Variants in CNTN6 observed in about 807,000 individuals in gnomAD.
The protein encoded by CNTN6 is contactin 6.
CNTN6 carries 137 observed loss-of-function variants against 122.8 expected under a neutral mutation model. The observed-to-expected ratio is 1.12, with a 90% CI of 0.97 to 1.29. The LOEUF (loss-of-function observed/expected upper bound fraction) is 1.29. CNTN6 is among the 50% of genes most tolerant of loss of function. The pLI is 0.00. For synonymous variants in CNTN6, 570 were observed against 426.0 expected, an observed-to-expected ratio of 1.34 and a Z score of -4.16; for missense variants, 1,634 against 1,223.4, an observed-to-expected ratio of 1.34 and a Z score of -5.01.
chr3:1,198,681 C>A (rs2093814215), intron 2 of CNTN6, among the ~76,000 whole-genome samples: 1 of 150,382 alleles, frequency 6.6e-6, no homozygotes, highest in African/African-American at 2.5e-5. Context: ...AAGGTTGCAA[C>A]ATTGCACTCC....
chr3:1,168,058 C>T (rs1263573924), intron 2 of CNTN6, among the ~76,000 whole-genome samples: 1 of 151,990 alleles, frequency 6.6e-6, no homozygotes. Context: ...GAGGTGCACG[C>T]CACCACGCCT....
At chr3:1,325,173 C>T (rs1038718446) in intron 8 of CNTN6, among the ~76,000 whole-genome samples, 10 of 151,806 alleles carry the variant, frequency 6.6e-5, no homozygotes, top group African/African-American at 2.4e-4. Flanking sequence ...TGTCTCACTA[C>T]TATGAAGAAC....
intron 12 of CNTN6, among the ~76,000 whole-genome samples, chr3:1,353,601 T>C (rs1382293469): frequency 6.6e-6 from 1 of 151,686 alleles, no homozygotes; most frequent in Non-Finnish European, 1.5e-5. Flanking sequence ...ATAGATGTTA[T>C]GGCTATATTT....
chr3:1,333,709 C>G (rs1290420730), intron 11 of CNTN6, among the ~76,000 whole-genome samples: 1 of 151,998 alleles, frequency 6.6e-6, no homozygotes, highest in Admixed American at 6.6e-5. Context: ...GAAACCTATT[C>G]AAAGTAATCA....
intron 20 of CNTN6, among the ~76,000 whole-genome samples, chr3:1,392,593 A>G (rs1432488457): frequency 6.8e-6 from 1 of 146,972 alleles, no homozygotes; most frequent in Non-Finnish European, 1.5e-5. Flanking sequence ...GCACAGCAAA[A>G]GAAACTACCA....
intron 3 of CNTN6, among the ~76,000 whole-genome samples, chr3:1,223,492 A>G (rs976766590): frequency 2.0e-5 from 3 of 152,216 alleles, no homozygotes; most frequent in African/African-American, 7.2e-5. Context: ...CACATAACAC[A>G]TGAGAATATG....
chr3:1,343,491 G>C (rs878927995), intron 11 of CNTN6, among the ~76,000 whole-genome samples: 1 of 152,092 alleles, frequency 6.6e-6, no homozygotes, highest in Non-Finnish European at 1.5e-5. Context: ...TAATGTGGTT[G>C]TTTGACTAAA....
Position 1,341,922 on chromosome 3 carries a change from T to A in CNTN6, c.1365-10402T>A, listed in dbSNP as rs567617914. Among the ~76,000 whole-genome samples, 6 of 152,274 alleles carry A rather than the reference T, an allele frequency of 3.9e-5. No homozygotes were observed. The South Asian group carries it at 1.0e-3, about 26-fold the overall frequency. ...AAATTAAAATGTATTTGAGTCTATT[T>A]CTAATATCTAGGTAACCCCTCTGAA... On this transcript the variant is annotated intron_variant, in intron 11 of 22. Coordinates refer to ENST00000446702, the MANE Select transcript of CNTN6 (RefSeq NM_001289080.2).
chr3:1,383,822 G>A (rs3845158), intron 19 of CNTN6, among the ~76,000 whole-genome samples: 38,844 of 148,940 alleles, frequency 0.26, 5,453 homozygotes, highest in East Asian at 0.58. Flanking sequence ...ATTAATGGGT[G>A]AGTTAGTTAT....
chr3:1,119,353 G>GTGTGTGTGT (rs377642286), intron 1 of CNTN6, among the ~76,000 whole-genome samples: 2 of 150,260 alleles, frequency 1.3e-5, no homozygotes, highest in Admixed American at 6.7e-5. Flanking sequence ...GTGTGTGTGT[G>GTGTGTGTGT]GAGAATGTCT....
chr3:1,284,263 A>G (rs148450294), intron 5 of CNTN6, among the ~76,000 whole-genome samples: 228 of 152,294 alleles, frequency 1.5e-3, no homozygotes, highest in Non-Finnish European at 2.3e-3. Flanking sequence ...ATTCCAAGCA[A>G]AGGCTCACAA....
chr3:1,398,483 A>G (rs1374573838), intron 20 of CNTN6, among the ~76,000 whole-genome samples: 2 of 152,162 alleles, frequency 1.3e-5, no homozygotes, highest in Admixed American at 6.5e-5. Flanking sequence ...ACTTGAATGT[A>G]CACTAATTGT....
intron 2 of CNTN6, among the ~76,000 whole-genome samples, chr3:1,155,154 C>T (rs954859959): frequency 2.6e-5 from 4 of 152,114 alleles, no homozygotes; most frequent in East Asian, 1.9e-4. Flanking sequence ...ATGAGCTCGT[C>T]GCTATCTGGA....
chr3:1,166,468 A>G (rs1270269513), intron 2 of CNTN6, among the ~76,000 whole-genome samples: 1 of 152,224 alleles, frequency 6.6e-6, no homozygotes, highest in Non-Finnish European at 1.5e-5. Flanking sequence ...GCTTCTGGTC[A>G]AATGGCAGAG....
rs919282961 is a variant in CNTN6, at chr3:1,313,691, G to T, written c.762-7959G>T. On this transcript the variant is annotated intron_variant, in intron 7 of 22. Transcript: ENST00000446702. ...CCTCCCCAAGGGAAAGCTGATATAG[G>T]CATCATCTTATTCCCATTGGGCTGC... 3.2e-4 allele frequency among the ~76,000 whole-genome samples: 49 copies of T among 152,138 alleles called. 1 individual carries two copies. The highest frequency in any genetic ancestry group is 3.4e-3 in the Middle Eastern group (1 of 294).
At chr3:1,327,730 A>G in intron 10 of CNTN6, 144 bp downstream of exon 10, 1 of 888,674 alleles carries the variant, frequency 1.1e-6, no homozygotes, top group Middle Eastern at 3.7e-4. Flanking sequence ...ACTTTTTACA[A>G]AATTCAAGGT....
chr3:1,098,615 G>T (rs1207540339), intron 1 of CNTN6, among the ~76,000 whole-genome samples: 2 of 150,874 alleles, frequency 1.3e-5, no homozygotes, highest in African/African-American at 4.8e-5. Flanking sequence ...TAATATATTT[G>T]ACTTCTATTG....
chr3:1,242,769 T>A (rs2094503365), intron 4 of CNTN6, among the ~76,000 whole-genome samples: 1 of 152,038 alleles, frequency 6.6e-6, no homozygotes, highest in Admixed American at 6.6e-5. Flanking sequence ...TTGGTTAAAA[T>A]ATCTCGGCCT....
chr3:1,391,812 C>T (rs1694194892), intron 20 of CNTN6, among the ~76,000 whole-genome samples: 14 of 149,762 alleles, frequency 9.3e-5, no homozygotes, highest in Admixed American at 2.7e-4. Context: ...ACAATTGCTT[C>T]AAAGAGAATA....
Sources: gnomAD v4.1 joint callset for allele counts (sites outside exome capture counted in the v4.1 genomes callset) on GRCh38, gnomAD v4.1.1 for gene constraint, MANE v1.5 for transcripts, NCBI Gene and HGNC (gene_info 2026-07-23, HGNC 2026-07-21) for gene names.